EFR3A: variants seen among roughly 807,000 people sequenced by gnomAD.
The protein encoded by EFR3A is EFR3 homolog A.
Under a neutral mutation model 104.4 loss-of-function variants are expected in EFR3A, and 76 were observed. That is an observed-to-expected ratio of 0.73 (90% CI 0.60 to 0.88). The LOEUF is 0.88. EFR3A is among the 40% of genes least tolerant of loss of function. The pLI, the probability that EFR3A is intolerant of heterozygous loss-of-function variation, is 0.00. For missense variants in EFR3A, 985 were observed against 1,012.5 expected, an observed-to-expected ratio of 0.97 and a Z score of 0.37; for synonymous variants, 330 against 330.0, an observed-to-expected ratio of 1.00 and a Z score of 0.00.
chr8:131,953,610 ATGATATT>A, intron 5 of EFR3A, among the ~76,000 whole-genome samples: 1 of 152,250 alleles, frequency 6.6e-6, no homozygotes, highest in South Asian at 2.1e-4. Flanking sequence ...TTTTAAGAAC[ATGATATT>A]TGAAGTAAGC....
At chr8:132,002,019 C>T (rs946010941) in intron 20 of EFR3A, among the ~76,000 whole-genome samples, 2 of 152,126 alleles carry the variant, frequency 1.3e-5, no homozygotes, top group African/African-American at 4.8e-5. Flanking sequence ...CAAACAGACA[C>T]AATTATGGCA....
In EFR3A at chr8:131,904,177, TCCCTCCA is replaced by T. The variant is rs1237503987; in HGVS notation, c.-131_-125del. On this transcript the variant is annotated 5_prime_UTR_variant, in exon 1 of 23. Coordinates refer to ENST00000254624, the MANE Select transcript of EFR3A (RefSeq NM_015137.6). ...GCGTGACCGCGGGGTCCGCGTCCGC[TCCCTCCA>T]CCCTTCGCCCTTCGCCCTTCGCCTC... 6 of 1,030,636 alleles carry T rather than the reference TCCCTCCA, an allele frequency of 5.8e-6. No homozygotes were observed. Among genetic ancestry groups the T allele is most frequent in the Admixed American group, 8.7e-5 (2 of 23,066 alleles). The allele number at this position is 1,030,636 out of a possible 1,614,324, so 63.8% of individuals were successfully genotyped here.
rs924005137 is a variant in EFR3A, at chr8:132,012,322, T to A, written c.*1427T>A. The A allele has an allele frequency of 6.6e-6, 1 of 152,162 alleles. No homozygotes were observed. The highest frequency in any genetic ancestry group is 6.5e-5 in the Admixed American group (1 of 15,268). 9.4% of individuals were successfully genotyped at this position (152,162 alleles called of 1,614,324 possible). On this transcript the variant is annotated 3_prime_UTR_variant, in exon 23 of 23. Coordinates refer to ENST00000254624, the MANE Select transcript of EFR3A (RefSeq NM_015137.6). ...GAAACAGACAAAAGTAAGGAAACGA[T>A]AATAGGACAAGCATACTTGAAAATT...
chr8:131,926,869 A>AT (rs1223674906), intron 1 of EFR3A, among the ~76,000 whole-genome samples: 1 of 152,146 alleles, frequency 6.6e-6, no homozygotes, highest in Non-Finnish European at 1.5e-5. Context: ...TTATTATAGC[A>AT]TTTTGACTAT....
chr8:132,012,224 TTTTG>T lies in EFR3A; in HGVS notation c.*1333_*1336del, dbSNP rs1563718834. 1.3e-5 allele frequency: 2 copies of T among 152,204 alleles called. No homozygotes were observed. The highest frequency in any genetic ancestry group is 2.9e-5 in the Non-Finnish European group (2 of 68,038). 9.4% of individuals were successfully genotyped at this position (152,204 alleles called of 1,614,324 possible). On this transcript the variant is annotated 3_prime_UTR_variant, in exon 23 of 23. Transcript: ENST00000254624. ...CCTAGAATACAGTTTAATTTTTGGC[TTTTG>T]TTTTTGTTTAAAAAATTGCAGTGAA...
intron 18 of EFR3A, among the ~76,000 whole-genome samples, chr8:131,989,155 T>TAA (rs1238016191): frequency 6.6e-6 from 1 of 152,192 alleles, no homozygotes; most frequent in African/African-American, 2.4e-5. Flanking sequence ...TGAAGACTGA[T>TAA]AGTTTAGAAC....
At chr8:131,970,419 A>G in intron 9 of EFR3A, 57 bp from the exon 10 acceptor site, 3 of 1,485,530 alleles carry the variant, frequency 2.0e-6, no homozygotes, top group Non-Finnish European at 2.8e-6. Flanking sequence ...AAGGTAATTG[A>G]CTTCAAATAT....
intron 1 of EFR3A, among the ~76,000 whole-genome samples, chr8:131,925,859 T>C (rs1319736742): frequency 6.6e-6 from 1 of 152,086 alleles, no homozygotes; most frequent in Non-Finnish European, 1.5e-5. Context: ...CCCTCCCAAA[T>C]TTTGCTAAGG....
At chr8:131,968,159 G>A (rs1455066885) in intron 8 of EFR3A, 136 bp from the exon 9 acceptor site, 3 of 680,446 alleles carry the variant, frequency 4.4e-6, no homozygotes, top group South Asian at 5.1e-5. Context: ...TTTGTATTGT[G>A]GCTATTTATT....
chr8:131,916,884 A>G (rs1470370141), intron 1 of EFR3A, among the ~76,000 whole-genome samples: 2 of 152,236 alleles, frequency 1.3e-5, no homozygotes, highest in African/African-American at 2.4e-5. Context: ...CTTAAGAACA[A>G]TTGTTGTGTC....
chr8:131,965,758 A>C (rs1819678150), intron 8 of EFR3A, among the ~76,000 whole-genome samples: 1 of 151,980 alleles, frequency 6.6e-6, no homozygotes, highest in African/African-American at 2.4e-5. Context: ...AGACACATGC[A>C]CACGTATGTT....
intron 19 of EFR3A, among the ~76,000 whole-genome samples, chr8:131,999,360 A>G (rs1821670340): frequency 3.3e-5 from 5 of 152,198 alleles, no homozygotes; most frequent in Admixed American, 3.3e-4. Flanking sequence ...GCTAGATGCT[A>G]TCAAATTACT....
chr8:131,959,482 T>C, intron 7 of EFR3A, 103 bp from the exon 8 acceptor site: 1 of 825,444 alleles, frequency 1.2e-6, no homozygotes, highest in East Asian at 2.7e-5. Flanking sequence ...TGCTTTTCTT[T>C]TAGGTAATAT....
At chr8:131,965,762 G>A (rs1318038032) in intron 8 of EFR3A, among the ~76,000 whole-genome samples, 5 of 151,806 alleles carry the variant, frequency 3.3e-5, no homozygotes, top group East Asian at 1.9e-4. Flanking sequence ...ACATGCACAC[G>A]TATGTTTATT....
At chr8:131,967,911 T>TTAA (rs111340242) in intron 8 of EFR3A, among the ~76,000 whole-genome samples, 5 of 151,494 alleles carry the variant, frequency 3.3e-5, no homozygotes, top group African/African-American at 1.2e-4. Flanking sequence ...AATTTTGTCC[T>TTAA]ATTATAAAAG....
In EFR3A at chr8:132,011,408, T is replaced by A. The variant is rs560339603; in HGVS notation, c.*513T>A. ...CTTTAGATAAGCTGGGATAGGCACC[T>A]TGCTATTCAGTTACTATAATAATAT... On this transcript the variant is annotated 3_prime_UTR_variant, in exon 23 of 23. Coordinates refer to ENST00000254624, the MANE Select transcript of EFR3A (RefSeq NM_015137.6). 5.1e-6 allele frequency: 5 copies of A among 985,862 alleles called. No homozygotes were observed. The East Asian group carries it at 5.7e-4, about 112-fold the overall frequency. The allele number at this position is 985,862 out of a possible 1,614,324, so 61.1% of individuals were successfully genotyped here. A position where few individuals can be genotyped will look rare whatever the true frequency, so the allele number is the denominator to read the frequency against.
At chr8:132,002,769 G>A in intron 21 of EFR3A, 63 bp downstream of exon 21, 1 of 1,310,652 alleles carries the variant, frequency 7.6e-7, no homozygotes, top group Non-Finnish European at 1.1e-6. Context: ...CTCTTCCTTG[G>A]TGATTAGTTG....
At chr8:131,918,915 T>G (rs1052962247) in intron 1 of EFR3A, among the ~76,000 whole-genome samples, 4 of 152,214 alleles carry the variant, frequency 2.6e-5, no homozygotes, top group African/African-American at 9.7e-5. Context: ...TTAGAGGACT[T>G]TTAATTAAAG....
chr8:131,951,686 A>G (rs569735038), intron 5 of EFR3A, among the ~76,000 whole-genome samples: 1 of 152,224 alleles, frequency 6.6e-6, no homozygotes, highest in Non-Finnish European at 1.5e-5. Flanking sequence ...CCAAAAAGAA[A>G]CTTTGACATT....
Sources: gnomAD v4.1 joint callset for allele counts (sites outside exome capture counted in the v4.1 genomes callset) on GRCh38, gnomAD v4.1.1 for gene constraint, MANE v1.5 for transcripts, NCBI Gene and HGNC (gene_info 2026-07-23, HGNC 2026-07-21) for gene names.